Variants in GON4L observed in about 807,000 individuals in gnomAD.
The protein encoded by GON4L is GON-4-like protein.
In GON4L, 87 loss-of-function variants were observed where a neutral mutation model predicts 211.8. The observed-to-expected ratio is 0.41, with a 90% CI of 0.35 to 0.49. The LOEUF (loss-of-function observed/expected upper bound fraction) is 0.49. GON4L is among the 20% of genes least tolerant of loss of function. The pLI, the probability that GON4L is intolerant of heterozygous loss-of-function variation, is 0.15. For missense variants in GON4L, 2,155 were observed against 2,659.5 expected, an observed-to-expected ratio of 0.81 and a Z score of 4.17; for synonymous variants, 875 against 962.6, an observed-to-expected ratio of 0.91 and a Z score of 1.68.
At chr1:155,819,333 T>C (rs1668538654) in intron 6 of GON4L, among the ~76,000 whole-genome samples, 1 of 151,996 alleles carries the variant, frequency 6.6e-6, no homozygotes, top group Non-Finnish European at 1.5e-5. Context: ...GGGGGATGTA[T>C]AGCCAAGAAA....
chr1:155,804,927 T>C, intron 11 of GON4L, 22 bp downstream of exon 11: 3 of 1,585,996 alleles, frequency 1.9e-6, no homozygotes, highest in Non-Finnish European at 2.6e-6. Flanking sequence ...GTATACATAA[T>C]AAATCACAAA....
chr1:155,766,795 C>T (rs1236380653), intron 20 of GON4L, 86 bp from the exon 21 acceptor site: 89 of 1,597,318 alleles, frequency 5.6e-5, no homozygotes, highest in Non-Finnish European at 7.5e-5. Context: ...CCTGTAATCC[C>T]AGCACTTTGG....
At chr1:155,792,845 C>T (rs1032723181) in intron 12 of GON4L, among the ~76,000 whole-genome samples, 3 of 152,176 alleles carry the variant, frequency 2.0e-5, no homozygotes, top group Non-Finnish European at 4.4e-5. Flanking sequence ...CAGCCTCCAC[C>T]TCCTGGGCTC....
intron 15 of GON4L, among the ~76,000 whole-genome samples, chr1:155,777,177 C>T (rs540127142): frequency 2.6e-5 from 4 of 152,310 alleles, no homozygotes; most frequent in East Asian, 1.9e-4. Context: ...GATGACTTCT[C>T]GAGCTCCTAA....
intron 24 of GON4L, among the ~76,000 whole-genome samples, chr1:155,759,638 G>C (rs1014246471): frequency 2.6e-5 from 4 of 151,210 alleles, no homozygotes; most frequent in African/African-American, 9.7e-5. Context: ...AATACCAGAA[G>C]AGAAAATGGG....
chr1:155,838,003 C>T (rs1670464308), intron 2 of GON4L, among the ~76,000 whole-genome samples: 1 of 152,114 alleles, frequency 6.6e-6, no homozygotes. Context: ...GTCGCTCACA[C>T]CTCCCAACCT....
Position 155,757,329 on chromosome 1 carries a change from G to T in GON4L, c.5254-6C>A. The T allele has an allele frequency of 1.2e-6, 2 of 1,612,788 alleles. No homozygotes were observed. The highest frequency in any genetic ancestry group is 1.1e-5 in the South Asian group (1 of 91,020). ...TGCCACATCTGTGTCTTGAGCTGAG[G>T]AGAGTCACAGAGGGAAAGAGGAAGT... On this transcript the variant is annotated splice_polypyrimidine_tract_variant and splice_region_variant and intron_variant, in intron 25 of 31. Coordinates refer to ENST00000368331, the MANE Select transcript of GON4L (RefSeq NM_001282860.2).
At chr1:155,771,283 T>G (rs1663166141) in intron 18 of GON4L, 66 bp from the exon 19 acceptor site, 1 of 1,599,002 alleles carries the variant, frequency 6.3e-7, no homozygotes, top group African/African-American at 1.3e-5. Context: ...CTCCCCAGAC[T>G]AACACATTTT....
chr1:155,832,045 T>C (rs1335309517), intron 2 of GON4L, among the ~76,000 whole-genome samples: 1 of 151,198 alleles, frequency 6.6e-6, no homozygotes, highest in Non-Finnish European at 1.5e-5. Flanking sequence ...AAGGCCGAGG[T>C]GGGTGGATCA....
chr1:155,836,996 T>C (rs978360925), intron 2 of GON4L, among the ~76,000 whole-genome samples: 22 of 152,208 alleles, frequency 1.4e-4, no homozygotes, highest in African/African-American at 5.3e-4. Flanking sequence ...GGCCTCACTG[T>C]TGGCCACCCC....
chr1:155,766,087 GGA>G lies in GON4L; in HGVS notation c.3384_3385del (p.Pro1129LeufsTer33). The G allele has an allele frequency of 2.5e-6, 4 of 1,614,140 alleles. No homozygotes were observed. The highest frequency in any genetic ancestry group is 3.4e-6 in the Non-Finnish European group (4 of 1,180,014). On this transcript the variant is annotated frameshift_variant, in exon 21 of 32. Transcript: ENST00000368331. LOFTEE classifies it high-confidence loss of function. ...GATAACAGGGGCAGGTTTCATACAG[GGA>G]GAGGCCTTGACTCCTCTTCTCTTTG...
intron 10 of GON4L, among the ~76,000 whole-genome samples, chr1:155,808,933 A>T (rs1749419): frequency 0.94 from 142,232 of 151,984 alleles, 67,318 homozygotes; most frequent in Non-Finnish European, 1. Context: ...AATTTTTTTT[A>T]AAAAAGTTCT....
rs552116026 is a variant in GON4L at position 155,779,473 on chromosome 1, C to A, written c.1893-1653G>T. On this transcript the variant is annotated intron_variant, in intron 14 of 31. Coordinates refer to ENST00000368331, the MANE Select transcript of GON4L (RefSeq NM_001282860.2). ...CTGGGACTACAGACACACGCCATCA[C>A]ACCCAGCTAATTTTTGTATTTTTAG... Among the ~76,000 whole-genome samples the A allele has an allele frequency of 1.2e-3, 189 of 151,382 alleles. 1 individual carries two copies. Among genetic ancestry groups the A allele is most frequent in the African/African-American group, 4.4e-3 (182 of 41,310 alleles).
rs748970926 is a variant in GON4L, at chr1:155,853,370, C to A, written c.411G>T (p.Arg137Ser). 3.1e-6 allele frequency: 5 copies of A among 1,614,094 alleles called. No homozygotes were observed. In the South Asian group the frequency reaches 5.5e-5, roughly 18 times the overall value. Residue 137 changes from arginine to serine, a missense_variant, in exon 2 of 32, where the codon AGG becomes AGT. Physicochemically the swap from Arg to Ser is moderately radical, Grantham distance 110. Around this residue, in one of 6 missense-constraint regions of GON4L, gnomAD observed 313 missense variants for 293.2 expected, o/e 1.07. Transcript: ENST00000368331. ...TGTCTTCTTGGGTAACTGGCCCAGG[C>A]CTGAGTGTCATTTTTTTCCCTCTCT... ...GSKRGKKMTL[R>S]PGPVTQEDRC... is the part of the protein sequence containing the mutation.
chr1:155,836,216 C>T (rs908303783), intron 2 of GON4L, among the ~76,000 whole-genome samples: 8 of 151,628 alleles, frequency 5.3e-5, no homozygotes, highest in Non-Finnish European at 1.2e-4. Flanking sequence ...ATGAGTGTCC[C>T]CTTTGTTCCC....
At position 155,757,033 on chromosome 1, in the gene GON4L, C is replaced by T. The variant is rs369298519; in HGVS notation, c.5442G>A (p.Glu1814=). 5.6e-6 allele frequency: 9 copies of T among 1,613,788 alleles called. No individual in the cohort carries two copies. The highest frequency in any genetic ancestry group is 4.0e-5 in the African/African-American group (3 of 74,880). Residue 1814 remains glutamate, a synonymous_variant, in exon 27 of 32, where the codon GAG becomes GAA. Transcript: ENST00000368331. ...CTGTGGGTATCTTGGGAGGCTCCTC[C>T]TCTTCTTCCACATCAGGCAGGGCCA... ...EEVALPDVEE[E]EEPPKIPTAS... is the part of the protein sequence containing the mutation.
chr1:155,755,425 G>C (rs1344867066), intron 27 of GON4L, among the ~76,000 whole-genome samples: 1 of 151,854 alleles, frequency 6.6e-6, no homozygotes, highest in Non-Finnish European at 1.5e-5. Flanking sequence ...TACTCTGGCT[G>C]GTCTTGAACT....
chr1:155,838,983 G>T (rs535397468), intron 2 of GON4L, among the ~76,000 whole-genome samples: 1 of 151,866 alleles, frequency 6.6e-6, no homozygotes, highest in Non-Finnish European at 1.5e-5. Flanking sequence ...CTGTGGAATG[G>T]TTCTCATCTA....
chr1:155,839,726 T>C (rs1670616431), intron 2 of GON4L, among the ~76,000 whole-genome samples: 1 of 151,908 alleles, frequency 6.6e-6, no homozygotes, highest in African/African-American at 2.4e-5. Flanking sequence ...TCTGTGCAGG[T>C]CATAAGATTT....
Sources: gnomAD v4.1 joint callset for allele counts (sites outside exome capture counted in the v4.1 genomes callset) on GRCh38, gnomAD v4.1.1 for gene constraint, gnomAD v4.1.1 regional missense constraint, MANE v1.5 for transcripts, NCBI Gene and HGNC (gene_info 2026-07-23, HGNC 2026-07-21) for gene names.